The following SLFN13 variants were observed in gnomAD, a reference collection of about 807,000 sequenced individuals.
SLFN13 encodes schlafen-13.
In SLFN13, 43 loss-of-function variants were observed where a neutral mutation model predicts 50.6. The ratio of observed to expected loss-of-function variants is 0.85; its 90% CI spans 0.67 to 1.09. SLFN13 has a LOEUF of 1.09. Ranked by LOEUF, SLFN13 falls within the 50% of genes least tolerant of loss-of-function variation. SLFN13 has a pLI of 0.00. For synonymous variants in SLFN13, 339 were observed against 386.5 expected, an observed-to-expected ratio of 0.88 and a Z score of 1.44; for missense variants, 881 against 1,071.1, an observed-to-expected ratio of 0.82 and a Z score of 2.48.
At position 35,435,636 on chromosome 17, in the gene SLFN13, T is replaced by C. The variant is rs1182116794; in HGVS notation, c.*4959A>G. On this transcript the variant is annotated 3_prime_UTR_variant, in exon 6 of 6. Coordinates refer to ENST00000285013, the MANE Select transcript of SLFN13 (RefSeq NM_144682.6). ...TTGTTGATTTCCAAAAGTGTTTTTA[T>C]ACTTCTAAGTTGCTGAGAGTCCTTA... 2 of 152,136 alleles carry C rather than the reference T, an allele frequency of 1.3e-5. No individual in the cohort carries two copies. Among genetic ancestry groups the C allele is most frequent in the Non-Finnish European group, 2.9e-5 (2 of 68,028 alleles). 9.4% of individuals were successfully genotyped at this position (152,136 alleles called of 1,614,324 possible).
Position 35,442,291 on chromosome 17 carries a change from A to G in SLFN13, c.1199-5T>C. The G allele has an allele frequency of 6.4e-7, 1 of 1,553,788 alleles. No homozygotes were observed. Reference sequence around the variant, plus strand: ...ATTCCAAATGTCCTGGTGGAACTAGACAGGAAGAAAATAGAAAGATGTTTT... The same window carrying G: ...ATTCCAAATGTCCTGGTGGAACTAGGCAGGAAGAAAATAGAAAGATGTTTT... On this transcript the variant is annotated splice_polypyrimidine_tract_variant and splice_region_variant and intron_variant, in intron 4 of 5. Transcript: ENST00000285013.
In SLFN13 at chr17:35,445,206, T is replaced by C. The variant is rs747555921; in HGVS notation, c.475A>G (p.Arg159Gly). 6.2e-6 allele frequency: 10 copies of C among 1,613,744 alleles called. No individual in the cohort carries two copies. In the East Asian group the frequency reaches 1.6e-4, roughly 25 times the overall value. Residue 159 changes from arginine to glycine, a missense_variant, in exon 3 of 6, where the codon AGA (arginine) becomes GGA (glycine). Around this residue, in one of 5 missense-constraint regions of SLFN13, gnomAD observed 497 missense variants for 518.3 expected, o/e 0.96. Transcript: ENST00000285013. ...TTAATCAGATTATATTTGGACTGTC[T>C]TTCCTTGGTCTTCAGGAAATCGAAT... ...QAFDFLKTKERQSKYNLINEG... is the reference protein window; with the variant it reads ...QAFDFLKTKEGQSKYNLINEG...
At chr17:35,444,014 T>C (rs1157536902) in intron 3 of SLFN13, 94 bp from the exon 4 acceptor site, 5 of 1,315,868 alleles carry the variant, frequency 3.8e-6, no homozygotes, top group African/African-American at 2.9e-5. Context: ...TCATCTAACA[T>C]GGTACAAGTC....
At position 35,441,073 on chromosome 17, in the gene SLFN13, T is replaced by C. The variant is rs774303201; in HGVS notation, c.2216A>G (p.Glu739Gly). 6.2e-7 allele frequency: 1 copy of C among 1,613,996 alleles called. No homozygotes were observed. The highest frequency in any genetic ancestry group is 8.5e-7 in the Non-Finnish European group (1 of 1,180,016). Residue 739 changes from glutamate (E) to glycine (G), a missense_variant, in exon 6 of 6, where the codon GAG (glutamate) becomes GGG (glycine). By Grantham distance (98) the Glu-to-Gly change is moderately conservative (BLOSUM62 -2). This residue lies in a region of SLFN13 where 322 missense variants were observed against 327.4 expected (regional missense o/e 0.98). Transcript: ENST00000285013. ...RVVRNADEIA[E>G]YIQQEMQLII... Reference sequence around the variant, plus strand: ...TAGTTGCATTTCTTGTTGTATGTACTCGGCTATTTCATCTGCATTGCGAAC... The same window carrying C: ...TAGTTGCATTTCTTGTTGTATGTACCCGGCTATTTCATCTGCATTGCGAAC...
Position 35,444,833 on chromosome 17 carries a change from A to G in SLFN13, c.848T>C (p.Val283Ala), listed in dbSNP as rs755317198. The part of the protein sequence containing the change: ...IARAISKLPI[V>A]HFCSSKPRVE... ...CCGAGGTTTTGAAGAGCAAAAATGA[A>G]CAATGGGCAACTTAGAAATTGCTCT... Residue 283 changes from valine to alanine, a missense_variant, in exon 3 of 6, where the codon GTT (valine) becomes GCT (alanine). By Grantham distance (64) the Val-to-Ala change is moderately conservative. Around this residue, in one of 5 missense-constraint regions of SLFN13, gnomAD observed 497 missense variants for 518.3 expected, o/e 0.96. Transcript: ENST00000285013. 38 of 1,614,140 alleles carry G rather than the reference A, an allele frequency of 2.4e-5. No homozygotes were observed. The highest frequency in any genetic ancestry group is 2.9e-5 in the Non-Finnish European group (34 of 1,180,048).
Position 35,440,466 on chromosome 17 carries a change from C to G in SLFN13, c.*129G>C. 8.5e-7 allele frequency: 1 copy of G among 1,176,696 alleles called. No homozygotes were observed. Among genetic ancestry groups the G allele is most frequent in the Non-Finnish European group, 1.2e-6 (1 of 834,314 alleles). The allele number at this position is 1,176,696 out of a possible 1,614,324, so 72.9% of individuals were successfully genotyped here. On this transcript the variant is annotated 3_prime_UTR_variant, in exon 6 of 6. Transcript: ENST00000285013. ...GCCAGAAATGGGGGAGCTCCAAACT[C>G]TTTGTGTCAGCTCTGTCCAAATCTC...
chr17:35,443,584 C>T (rs6505473), intron 4 of SLFN13, among the ~76,000 whole-genome samples: 43,535 of 151,884 alleles, frequency 0.29, 7,550 homozygotes, highest in East Asian at 0.64. Flanking sequence ...AACTACCTTC[C>T]ATGGCATTTC....
At position 35,445,370 on chromosome 17, in the gene SLFN13, C is replaced by T; in HGVS notation, c.311G>A (p.Cys104Tyr). The T allele has an allele frequency of 6.2e-7, 1 of 1,613,954 alleles. No homozygotes were observed. The highest frequency in any genetic ancestry group is 8.5e-7 in the Non-Finnish European group (1 of 1,179,996). ...CCAAGATTTAACAAAAATATAAAAA[C>T]ACCTTCCGTGTTGCTTAGTCTCAAA... ...AFFETKQHGR[C>Y]FYIFVKSWSG... Residue 104 changes from cysteine (C) to tyrosine (Y), a missense_variant, in exon 3 of 6, where the codon TGT becomes TAT. Cys to Tyr is a radical substitution (Grantham distance 194). Coordinates refer to ENST00000285013, the MANE Select transcript of SLFN13 (RefSeq NM_144682.6).
At chr17:35,449,663 A>G (rs1002885146), upstream of SLFN13, among the ~76,000 whole-genome samples, 3 of 152,216 alleles carry the variant, frequency 2.0e-5, no homozygotes, top group Non-Finnish European at 4.4e-5. Flanking sequence ...GAGGAGGACT[A>G]CGAAACCCAT....
rs1310439706 is a variant in SLFN13, at chr17:35,443,913, A to G, written c.1074T>C (p.Pro358=). Residue 358 remains proline, a synonymous_variant, in exon 4 of 6, where the codon CCT becomes CCC. Transcript: ENST00000285013. ...EKMMDADPEF[P]PDFAEAFESQ... is the part of the protein sequence containing the mutation. The stretch of plus-strand genomic sequence containing the variant: ...ACTCAAAGGCCTCAGCAAAGTCTGG[A>G]GGAAACTCTGAAAGAAAGAACATTT... 1 of 1,612,884 alleles carries G rather than the reference A, an allele frequency of 6.2e-7. No homozygotes were observed.
In SLFN13 at chr17:35,442,257, C is replaced by A. The variant is rs767814242; in HGVS notation, c.1228G>T (p.Glu410Ter). The A allele has an allele frequency of 6.2e-7, 1 of 1,603,178 alleles. No individual in the cohort carries two copies. Among genetic ancestry groups the A allele is most frequent in the South Asian group, 1.1e-5 (1 of 89,488 alleles). ...VPPGHLECTP[E>*]SLWKELSLQH... ...AAAGACAGCTCCTTCCAGAGGGACT[C>A]TGGAGTACATTCCAAATGTCCTGGT... Residue 410 changes from glutamate (E) to a stop codon, truncating the protein, a stop_gained, in exon 5 of 6, where the codon GAG becomes TAG. Transcript: ENST00000285013. LOFTEE classifies it high-confidence loss of function.
Position 35,440,439 on chromosome 17 carries a change from G to A in SLFN13, c.*156C>T. ...GTTGGGGGAGGAACCCCTGAAAGGA[G>A]AGCCAGAAATGGGGGAGCTCCAAAC... On this transcript the variant is annotated 3_prime_UTR_variant, in exon 6 of 6. Transcript: ENST00000285013. The A allele has an allele frequency of 3.4e-6, 3 of 887,202 alleles. No individual in the cohort carries two copies. The highest frequency in any genetic ancestry group is 3.4e-6 in the Non-Finnish European group (2 of 587,422). The allele number at this position is 887,202 out of a possible 1,614,324, so 55.0% of individuals were successfully genotyped here.
rs1912947700 is a variant in SLFN13 at position 35,442,177 on chromosome 17, C to A, written c.1308G>T (p.Gln436His). ...AGCTTCTAGAGAGGATCACAATTCCCTGGGAGAAAGGTCGCATTTGCTTGT... is the reference window on the plus strand; with the variant it reads ...AGCTTCTAGAGAGGATCACAATTCCATGGGAGAAAGGTCGCATTTGCTTGT... ...LIHKQMRPFS[Q>H]GIVILSRSWA... The change falls in exon 5 of 6, where the codon CAG becomes CAT. Residue 436 changes from glutamine to histidine, a missense_variant. Gln to His is a conservative substitution (Grantham distance 24, BLOSUM62 0). Around this residue, in one of 5 missense-constraint regions of SLFN13, gnomAD observed 497 missense variants for 518.3 expected, o/e 0.96. Coordinates refer to ENST00000285013, the MANE Select transcript of SLFN13 (RefSeq NM_144682.6). The A allele has an allele frequency of 1.9e-6, 3 of 1,614,100 alleles. No homozygotes were observed. The South Asian group carries it at 3.3e-5, about 18-fold the overall frequency.
In SLFN13 at chr17:35,436,653, C is replaced by T. The variant is rs1183043055; in HGVS notation, c.*3942G>A. 2.0e-5 allele frequency: 3 copies of T among 152,058 alleles called. No homozygotes were observed. The highest frequency in any genetic ancestry group is 6.5e-5 in the Admixed American group (1 of 15,278). 9.4% of individuals were successfully genotyped at this position (152,058 alleles called of 1,614,324 possible). ...ACCGTGAACTGAGAACCGTAACAGC[C>T]CTTCTATGGAATTCATGCCAAAAAT... On this transcript the variant is annotated 3_prime_UTR_variant, in exon 6 of 6. Transcript: ENST00000285013.
At chr17:35,445,860 G>A (rs778317980) in intron 2 of SLFN13, 167 bp from the exon 3 acceptor site, 7 of 579,644 alleles carry the variant, frequency 1.2e-5, no homozygotes, top group Non-Finnish European at 1.4e-5. Flanking sequence ...GCAGGGAAGG[G>A]AACTAATGAA....
chr17:35,445,113 A>C lies in SLFN13; in HGVS notation c.568T>G (p.Tyr190Asp). Residue 190 changes from tyrosine (Y) to aspartate (D), a missense_variant, in exon 3 of 6, where the codon TAT becomes GAT. Transcript: ENST00000285013. ...YQNISESNPA[Y>D]EVFQTDTIEY... ...ATAGTGTCAGTTTGGAAAACTTCAT[A>C]TGCAGGATTTGACTCAGATATGTTC... is the stretch of plus-strand genomic sequence containing the variant. 6.2e-7 allele frequency: 1 copy of C among 1,613,636 alleles called. No homozygotes were observed. Among genetic ancestry groups the C allele is most frequent in the Middle Eastern group, 1.6e-4 (1 of 6,062 alleles).
upstream of SLFN13, among the ~76,000 whole-genome samples, chr17:35,449,465 C>T (rs944993794): frequency 1.1e-4 from 16 of 152,166 alleles, no homozygotes; most frequent in African/African-American, 3.4e-4. Flanking sequence ...CATACCCCAG[C>T]TTGGGCTTCT....
At chr17:35,449,087 C>T (rs762026114), upstream of SLFN13, among the ~76,000 whole-genome samples, 21 of 147,954 alleles carry the variant, frequency 1.4e-4, no homozygotes, top group Non-Finnish European at 2.8e-4. Flanking sequence ...ATTACTCAGG[C>T]TTAGTGGCGC....
rs1183041947 is a variant in SLFN13, at chr17:35,437,066, A to G, written c.*3529T>C. On this transcript the variant is annotated 3_prime_UTR_variant, in exon 6 of 6. Coordinates refer to ENST00000285013, the MANE Select transcript of SLFN13 (RefSeq NM_144682.6). Reference sequence around the variant, plus strand: ...AACCCTGTCCGCTACTTACTTTTGAATCTCAGGAAGAAAAATGGTAGAAGG... The same window carrying G: ...AACCCTGTCCGCTACTTACTTTTGAGTCTCAGGAAGAAAAATGGTAGAAGG... 3 of 152,148 alleles carry G rather than the reference A, an allele frequency of 2.0e-5. No individual in the cohort carries two copies. Among genetic ancestry groups the G allele is most frequent in the Admixed American group, 6.5e-5 (1 of 15,282 alleles). The allele number at this position is 152,148 out of a possible 1,614,324, so 9.4% of individuals were successfully genotyped here. A position where few individuals can be genotyped will look rare whatever the true frequency, so the allele number is the denominator to read the frequency against.
Sources: gnomAD v4.1 joint callset for allele counts (sites outside exome capture counted in the v4.1 genomes callset) on GRCh38, gnomAD v4.1.1 for gene constraint, gnomAD v4.1.1 regional missense constraint, MANE v1.5 for transcripts, NCBI Gene and HGNC (gene_info 2026-07-23, HGNC 2026-07-21) for gene names.